Variants in DDX52 observed in about 807,000 individuals in gnomAD.
The protein encoded by DDX52 is probable ATP-dependent RNA helicase DDX52.
A neutral mutation model predicts 76.1 loss-of-function variants in DDX52; 59 were observed. The ratio of observed to expected loss-of-function variants is 0.78; its 90% CI spans 0.63 to 0.96. DDX52 has a LOEUF of 0.96. Among genes scored for constraint, DDX52 ranks in the 40% least tolerant of loss-of-function variants. DDX52 has a pLI of 0.00. For synonymous variants in DDX52, 231 were observed against 244.1 expected (o/e 0.95, Z 0.50); for missense variants, 707 against 703.9 (o/e 1.00, Z -0.05).
At chr17:37,618,714 C>T (rs983980715) in intron 13 of DDX52, among the ~76,000 whole-genome samples, 21 of 152,026 alleles carry the variant, frequency 1.4e-4, no homozygotes, top group East Asian at 5.8e-4. Context: ...CTCAAACTCC[C>T]GACCTCAGGT....
At position 37,621,466 on chromosome 17, in the gene DDX52, G is replaced by C; in HGVS notation, c.1282C>G (p.Leu428Val). The change falls in exon 10 of 15, where the codon CTT becomes GTT. Residue 428 changes from leucine to valine, a missense_variant. Coordinates refer to ENST00000617633, the MANE Select transcript of DDX52 (RefSeq NM_007010.5). ...CCTTCATATATGAGCTCATGAAAAA[G>C]TTCTTTAGCCCTTTCAATGGACTGA... The part of the protein sequence containing the change: ...FVQSIERAKE[L>V]FHELIYEGIN... The C allele has an allele frequency of 6.2e-7, 1 of 1,613,726 alleles. No individual in the cohort carries two copies. The highest frequency in any genetic ancestry group is 8.5e-7 in the Non-Finnish European group (1 of 1,179,864).
In DDX52 at chr17:37,632,205, T is replaced by G. The variant is rs1377323564; in HGVS notation, c.511A>C (p.Lys171Gln). ...ATFQQLDQEY[K>Q]INSRLLQNIL... ...TTCTGAAGTAGTCGAGAATTGATTT[T>G]ATATTCCTGGTCAAGTTGCTGAAAT... Residue 171 changes from lysine to glutamine, a missense_variant, in exon 4 of 15, where the codon AAA becomes CAA. Lys to Gln is a moderately conservative substitution (Grantham distance 53). Transcript: ENST00000617633. The G allele has an allele frequency of 5.6e-6, 9 of 1,614,048 alleles. No individual in the cohort carries two copies. The highest frequency in any genetic ancestry group is 7.6e-6 in the Non-Finnish European group (9 of 1,180,010).
chr17:37,619,572 C>G (rs749386047), intron 13 of DDX52, among the ~76,000 whole-genome samples, 196 bp downstream of exon 13: 1 of 151,890 alleles, frequency 6.6e-6, no homozygotes, highest in Non-Finnish European at 1.5e-5. Context: ...TATAGCCAGG[C>G]ATGGTAGTAC....
At chr17:37,616,709 A>G (rs939729871) in intron 14 of DDX52, among the ~76,000 whole-genome samples, 15 of 152,202 alleles carry the variant, frequency 9.9e-5, no homozygotes, top group South Asian at 2.1e-4. Flanking sequence ...CCAAAACTGA[A>G]TAAGTACAAA....
Position 37,621,500 on chromosome 17 carries a change from A to C in DDX52, c.1248T>G (p.Leu416=). The C allele has an allele frequency of 6.2e-7, 1 of 1,612,676 alleles. No homozygotes were observed. Among genetic ancestry groups the C allele is most frequent in the Non-Finnish European group, 8.5e-7 (1 of 1,179,632 alleles). Residue 416 remains leucine, a synonymous_variant, in exon 10 of 15, where the codon CTT becomes CTG. Transcript: ENST00000617633. The part of the protein sequence containing the change: ...LVKKGFNPPV[L]VFVQSIERAK... ...CCCTTTCAATGGACTGAACAAAAAC[A>C]AGAACAGGTGGATTGAAACCCTAAA...
chr17:37,625,752 T>C lies in DDX52; in HGVS notation c.1136+143A>G, dbSNP rs548596809. ...TAAAATAGAAAATCCTTAAACAATC[T>C]TGGCTTAAAAGAACACATTTCAATC... is the stretch of plus-strand genomic sequence containing the variant. On this transcript the variant is annotated intron_variant, in intron 8 of 14. Transcript: ENST00000617633. The C allele has an allele frequency of 1.3e-5, 11 of 877,698 alleles. No homozygotes were observed. The South Asian group carries it at 1.8e-4, about 14-fold the overall frequency. The allele number at this position is 877,698 out of a possible 1,614,324, so 54.4% of individuals were successfully genotyped here.
chr17:37,625,745 A>G (rs2030333587), intron 8 of DDX52, 150 bp downstream of exon 8: 3 of 835,164 alleles, frequency 3.6e-6, no homozygotes, highest in African/African-American at 1.7e-5. Context: ...AAAATCCTTA[A>G]ACAATCTTGG....
rs2147336722 is a variant in DDX52 at position 37,618,366 on chromosome 17, C to T, written c.1668G>A (p.Met556Ile). 3 of 1,585,212 alleles carry T rather than the reference C, an allele frequency of 1.9e-6. No homozygotes were observed. Among genetic ancestry groups the T allele is most frequent in the African/African-American group, 2.7e-5 (2 of 72,736 alleles). The stretch of plus-strand genomic sequence containing the variant: ...TCTCCCTTTCCAATGGTTTCTTAAT[C>T]ATCTTTTTCTTTTGTTTGCTGAAAG... ...QKLLSKQKKK[M>I]IKKPLERESI... Residue 556 changes from methionine (M) to isoleucine (I), a missense_variant, in exon 14 of 15, where the codon ATG becomes ATA. Physicochemically the swap from Met to Ile is conservative, Grantham distance 10 (BLOSUM62 1). Coordinates refer to ENST00000617633, the MANE Select transcript of DDX52 (RefSeq NM_007010.5).
intron 2 of DDX52, among the ~76,000 whole-genome samples, chr17:37,638,925 A>C (rs531500982): frequency 2.0e-5 from 3 of 151,878 alleles, no homozygotes; most frequent in Non-Finnish European, 4.4e-5. Flanking sequence ...GTGCACCACC[A>C]TATCTGGCTA....
At chr17:37,628,533 A>G (rs1008386974) in intron 6 of DDX52, 28 bp downstream of exon 6, 2 of 1,518,632 alleles carry the variant, frequency 1.3e-6, no homozygotes, top group Non-Finnish European at 1.8e-6. Flanking sequence ...TACATGCTCT[A>G]TCTACATCCC....
intron 2 of DDX52, among the ~76,000 whole-genome samples, chr17:37,635,775 C>T (rs1024200862): frequency 6.6e-6 from 1 of 152,102 alleles, no homozygotes; most frequent in African/African-American, 2.4e-5. Flanking sequence ...AAAAAAAAGT[C>T]CCAAACTATT....
chr17:37,618,643 G>A (rs1400664645), intron 13 of DDX52, among the ~76,000 whole-genome samples: 1 of 151,974 alleles, frequency 6.6e-6, no homozygotes, highest in African/African-American at 2.4e-5. Context: ...CACCACGCCC[G>A]GCTAAATTTT....
chr17:37,619,541 C>T (rs1339520419), intron 13 of DDX52, among the ~76,000 whole-genome samples: 2 of 151,752 alleles, frequency 1.3e-5, no homozygotes, highest in Non-Finnish European at 2.9e-5. Flanking sequence ...CATTTCTACT[C>T]CCCAAAAATC....
chr17:37,633,819 T>C (rs1257797924), intron 2 of DDX52, among the ~76,000 whole-genome samples: 1 of 152,160 alleles, frequency 6.6e-6, no homozygotes, highest in Non-Finnish European at 1.5e-5. Context: ...TGTGTTGGTA[T>C]GATCAGAGTT....
chr17:37,613,065 A>T lies in DDX52; in HGVS notation c.*1231T>A, dbSNP rs1482056913. The T allele has an allele frequency of 2.0e-5, 3 of 152,252 alleles. No individual in the cohort carries two copies. Among genetic ancestry groups the T allele is most frequent in the Non-Finnish European group, 4.4e-5 (3 of 68,040 alleles). The allele number at this position is 152,252 out of a possible 1,614,324, so 9.4% of individuals were successfully genotyped here. A position where few individuals can be genotyped will look rare whatever the true frequency, so the allele number is the denominator to read the frequency against. ...CAAAGTCCACCTGTTCTGACTCTAGAACAAAAAGCTACAAATAGAGGAAAT... is the reference window on the plus strand; with the variant it reads ...CAAAGTCCACCTGTTCTGACTCTAGTACAAAAAGCTACAAATAGAGGAAAT... On this transcript the variant is annotated 3_prime_UTR_variant, in exon 15 of 15. Coordinates refer to ENST00000617633, the MANE Select transcript of DDX52 (RefSeq NM_007010.5).
Position 37,614,178 on chromosome 17 carries a change from T to C in DDX52, c.*118A>G, listed in dbSNP as rs1241934448. Reference sequence around the variant, plus strand: ...ATTTATCACCAGTCCCATGTACTTGTAGTTGATTTCAAATGTTTGGTACAG... The same window carrying C: ...ATTTATCACCAGTCCCATGTACTTGCAGTTGATTTCAAATGTTTGGTACAG... On this transcript the variant is annotated 3_prime_UTR_variant, in exon 15 of 15. Transcript: ENST00000617633. 2 of 1,016,122 alleles carry C rather than the reference T, an allele frequency of 2.0e-6. No individual in the cohort carries two copies. The highest frequency in any genetic ancestry group is 1.7e-5 in the South Asian group (1 of 58,786). 62.9% of individuals were successfully genotyped at this position (1,016,122 alleles called of 1,614,324 possible). A position where few individuals can be genotyped will look rare whatever the true frequency, so the allele number is the denominator to read the frequency against.
intron 1 of DDX52, chr17:37,642,658 A>G: frequency 3.9e-6 from 1 of 257,362 alleles, no homozygotes. Context: ...AGGTCTAAAA[A>G]TGAGTAACTG....
chr17:37,614,186 T>G lies in DDX52; in HGVS notation c.*110A>C. The G allele has an allele frequency of 8.8e-7, 1 of 1,135,272 alleles. No homozygotes were observed. Among genetic ancestry groups the G allele is most frequent in the Non-Finnish European group, 1.2e-6 (1 of 801,910 alleles). 70.3% of individuals were successfully genotyped at this position (1,135,272 alleles called of 1,614,324 possible). A position where few individuals can be genotyped will look rare whatever the true frequency, so the allele number is the denominator to read the frequency against. On this transcript the variant is annotated 3_prime_UTR_variant, in exon 15 of 15. Transcript: ENST00000617633. ...CCAGTCCCATGTACTTGTAGTTGAT[T>G]TCAAATGTTTGGTACAGGTGACTGT... is the stretch of plus-strand genomic sequence containing the variant.
chr17:37,623,614 C>A (rs574577805), intron 9 of DDX52, among the ~76,000 whole-genome samples: 13 of 152,066 alleles, frequency 8.5e-5, no homozygotes, highest in African/African-American at 3.1e-4. Flanking sequence ...GCTCCCCCAG[C>A]CGTCAATGCT....
Sources: allele counts gnomAD v4.1 joint callset (sites outside exome capture counted in the v4.1 genomes callset), GRCh38; gene constraint gnomAD v4.1.1; transcripts MANE v1.5; gene names NCBI Gene and HGNC (gene_info 2026-07-23, HGNC 2026-07-21).